Variants in TRIM16 observed in about 807,000 individuals in gnomAD.
The protein encoded by TRIM16 is tripartite motif containing 16, also known as tripartite motif-containing protein 16.
In TRIM16, 33 loss-of-function variants were observed where a neutral mutation model predicts 50.4. That is an observed-to-expected ratio of 0.65 (90% confidence interval 0.50 to 0.88). The LOEUF (loss-of-function observed/expected upper bound fraction) is 0.88. Among genes scored for constraint, TRIM16 ranks in the 40% least tolerant of loss-of-function variants. TRIM16 has a pLI of 0.00. For synonymous variants in TRIM16, 229 were observed against 270.7 expected (o/e 0.85, Z 1.51); for missense variants, 581 against 686.8 (o/e 0.85, Z 1.72).
intron 6 of TRIM16, among the ~76,000 whole-genome samples, chr17:15,652,654 T>C (rs1987783579): frequency 6.6e-6 from 1 of 151,798 alleles, no homozygotes; most frequent in Admixed American, 6.6e-5. Context: ...AGAGACAGTG[T>C]TTCACCATGT....
intron 6 of TRIM16, among the ~76,000 whole-genome samples, chr17:15,665,031 C>CAAAAAA (rs10559243): frequency 1.3e-5 from 1 of 75,822 alleles, no homozygotes; most frequent in Admixed American, 1.5e-4. Flanking sequence ...GACTCCGTCT[C>CAAAAAA]AAAAAAAAAA....
In TRIM16 at chr17:15,683,085, T is replaced by G. The variant is rs1989247791; in HGVS notation, c.-826A>C. On this transcript the variant is annotated 5_prime_UTR_variant, in exon 2 of 12. Transcript: ENST00000649191. Reference sequence around the variant, plus strand: ...AATCCTCCATAATCATAGCCTTTGCTTCACTATTTGGGTGTAGCAACCTTT... The same window carrying G: ...AATCCTCCATAATCATAGCCTTTGCGTCACTATTTGGGTGTAGCAACCTTT... 1.9e-6 allele frequency: 3 copies of G among 1,550,516 alleles called. No homozygotes were observed. Among genetic ancestry groups the G allele is most frequent in the African/African-American group, 1.4e-5 (1 of 73,068 alleles).
chr17:15,674,313 T>C (rs897975677), intron 6 of TRIM16, among the ~76,000 whole-genome samples: 6 of 151,254 alleles, frequency 4.0e-5, no homozygotes, highest in African/African-American at 1.5e-4. Context: ...GAGGTCACAG[T>C]GAGCTGAGAT....
chr17:15,669,755 A>G (rs1005672306), intron 6 of TRIM16, among the ~76,000 whole-genome samples: 1 of 152,260 alleles, frequency 6.6e-6, no homozygotes, highest in Non-Finnish European at 1.5e-5. Flanking sequence ...ATATACTGCC[A>G]CAGTAAATTG....
chr17:15,650,133 C>G (rs1183987158), intron 7 of TRIM16, among the ~76,000 whole-genome samples: 2 of 152,056 alleles, frequency 1.3e-5, no homozygotes, highest in Non-Finnish European at 2.9e-5. Flanking sequence ...GCAAGTAGAC[C>G]CCCTTTCCTA....
chr17:15,632,075 G>C, intron 10 of TRIM16: 1 of 321,212 alleles, frequency 3.1e-6, no homozygotes, highest in South Asian at 3.1e-5. Context: ...AACATACCCT[G>C]TCTGAAGCAT....
Position 15,682,582 on chromosome 17 carries a change from A to G in TRIM16, c.-679+272T>C, listed in dbSNP as rs1445522695. Among the ~76,000 whole-genome samples the G allele has an allele frequency of 2.0e-5, 3 of 152,344 alleles. No homozygotes were observed. In the East Asian group the frequency reaches 5.8e-4, roughly 29 times the overall value. ...CCAGAAATGAGCAGCAGGGCCATGG[A>G]CCCTGGGGACGCAGGCCCCAGCTCT... On this transcript the variant is annotated intron_variant, in intron 3 of 11. Coordinates refer to ENST00000649191, the MANE Select transcript of TRIM16 (RefSeq NM_001348119.1).
Position 15,628,776 on chromosome 17 carries a change from C to G in TRIM16, c.1534G>C (p.Glu512Gln). 4 of 1,614,228 alleles carry G rather than the reference C, an allele frequency of 2.5e-6. No individual in the cohort carries two copies. Among genetic ancestry groups the G allele is most frequent in the Non-Finnish European group, 3.4e-6 (4 of 1,180,046 alleles). ...PGGILSFYGV[E>Q]YDTMTLVHKF... ...TGAACCAGAGTCATGGTATCATACT[C>G]TACGCCATAGAAGGAAAGGATCCCT... Residue 512 changes from glutamate (E) to glutamine (Q), a missense_variant, in exon 12 of 12, where the codon GAG (glutamate) becomes CAG (glutamine). This residue lies in a region of TRIM16 where 115 missense variants were observed against 106.7 expected (regional missense o/e 1.08). Coordinates refer to ENST00000649191, the MANE Select transcript of TRIM16 (RefSeq NM_001348119.1).
intron 4 of TRIM16, among the ~76,000 whole-genome samples, chr17:15,678,163 G>A (rs1385509143): frequency 6.6e-6 from 1 of 151,368 alleles, no homozygotes; most frequent in East Asian, 1.9e-4. Flanking sequence ...AGCTTGCAGT[G>A]AGCCGAGATC....
At chr17:15,677,068 T>A (rs1239148981) in intron 6 of TRIM16, 108 bp downstream of exon 6, 1 of 543,060 alleles carries the variant, frequency 1.8e-6, no homozygotes, top group African/African-American at 2.1e-5. Flanking sequence ...TGTGGTCAAG[T>A]GAAGATGAGA....
rs899475799 is a variant in TRIM16, at chr17:15,642,382, C to T, written c.615+339G>A. 4.0e-5 allele frequency among the ~76,000 whole-genome samples: 6 copies of T among 149,100 alleles called. 1 individual carries two copies. The highest frequency in any genetic ancestry group is 7.4e-5 in the African/African-American group (3 of 40,418). On this transcript the variant is annotated intron_variant, in intron 8 of 11. Transcript: ENST00000649191. The stretch of plus-strand genomic sequence containing the variant: ...CATATAATGGAAGAAGCCAAGATAA[C>T]GTATAGTTTTTGGACCTCTGACTAA...
rs61149785 is a variant in TRIM16, at chr17:15,659,162, T to C, written c.-337-7216A>G. On this transcript the variant is annotated intron_variant, in intron 6 of 11. Transcript: ENST00000649191. ...CAGCCTGAAGGACCCCACTACTGGA[T>C]GAAGAAAACACCGAAGTCAGCTTCA... Among the ~76,000 whole-genome samples the C allele has an allele frequency of 2.2e-3, 337 of 152,330 alleles. 1 individual carries two copies. Among genetic ancestry groups the C allele is most frequent in the African/African-American group, 7.7e-3 (320 of 41,564 alleles).
chr17:15,676,395 A>C (rs945357047), intron 6 of TRIM16, among the ~76,000 whole-genome samples: 1 of 148,100 alleles, frequency 6.8e-6, no homozygotes, highest in South Asian at 2.2e-4. Flanking sequence ...ACTTCCATTC[A>C]CCTACACATC....
intron 6 of TRIM16, among the ~76,000 whole-genome samples, chr17:15,663,730 T>G (rs918324024): frequency 2.6e-5 from 4 of 152,164 alleles, no homozygotes; most frequent in Non-Finnish European, 5.9e-5. Context: ...CCTTACAGCT[T>G]GGGGTCCAAA....
intron 7 of TRIM16, among the ~76,000 whole-genome samples, chr17:15,645,881 G>A (rs1987351846): frequency 1.3e-5 from 2 of 152,318 alleles, no homozygotes; most frequent in African/African-American, 2.4e-5. Flanking sequence ...AGTGGGGGTG[G>A]ATCTGGCCTA....
chr17:15,678,653 T>C (rs183418270), intron 4 of TRIM16, among the ~76,000 whole-genome samples: 9 of 152,360 alleles, frequency 5.9e-5, no homozygotes, highest in Non-Finnish European at 1.3e-4. Flanking sequence ...CTCACATGGC[T>C]ATGACAGCAA....
chr17:15,647,826 C>CACAG (rs1987473400), intron 7 of TRIM16, among the ~76,000 whole-genome samples: 1 of 145,428 alleles, frequency 6.9e-6, no homozygotes. Context: ...TACACACACA[C>CACAG]ACACACACAC....
chr17:15,676,204 G>C (rs1477370522), intron 6 of TRIM16, among the ~76,000 whole-genome samples: 1 of 152,122 alleles, frequency 6.6e-6, no homozygotes, highest in Non-Finnish European at 1.5e-5. Context: ...CTCCACTCAC[G>C]AGATGCCCAT....
chr17:15,646,644 G>A (rs1156321317), intron 7 of TRIM16, among the ~76,000 whole-genome samples: 2 of 146,862 alleles, frequency 1.4e-5, no homozygotes, highest in Non-Finnish European at 3.0e-5. Flanking sequence ...GGCACACAAA[G>A]AGTGGCAGCC....
Sources: allele counts gnomAD v4.1 joint callset (sites outside exome capture counted in the v4.1 genomes callset), GRCh38; gene constraint gnomAD v4.1.1; regional missense constraint gnomAD v4.1.1; transcripts MANE v1.5; gene names NCBI Gene and HGNC (gene_info 2026-07-23, HGNC 2026-07-21).